The following RIPOR2 variants were observed in gnomAD, a reference collection of about 807,000 sequenced individuals.
The protein encoded by RIPOR2 is rho family-interacting cell polarization regulator 2.
In RIPOR2, 39 loss-of-function variants were observed where a neutral mutation model predicts 114.5. That is an observed-to-expected ratio of 0.34 (90% CI 0.26 to 0.44). The LOEUF is 0.44. RIPOR2 is among the 20% of genes least tolerant of loss of function. RIPOR2 has a pLI of 1.00. For synonymous variants in RIPOR2, 445 were observed against 484.4 expected, an observed-to-expected ratio of 0.92 and a Z score of 1.07; for missense variants, 1,007 against 1,255.1, an observed-to-expected ratio of 0.80 and a Z score of 2.99.
rs1356916603 is a variant in RIPOR2 at position 24,976,800 on chromosome 6, A to T, written c.76+65051T>A. 3.1e-6 allele frequency: 5 copies of T among 1,611,462 alleles called. No individual in the cohort carries two copies. In the African/African-American group the frequency reaches 6.7e-5, roughly 22 times the overall value. On this transcript the variant is annotated intron_variant, in intron 1 of 13. Coordinates refer to the RIPOR2 transcript ENST00000510784. The stretch of plus-strand genomic sequence containing the variant: ...TTGTCCATGGCAAATGCTGGACCCA[A>T]CACAAATGGTTCCCAGTTTTTCATC...
intron 1 of RIPOR2, among the ~76,000 whole-genome samples, chr6:24,884,187 T>A (rs2113939528): frequency 6.6e-6 from 1 of 152,054 alleles, no homozygotes; most frequent in African/African-American, 2.4e-5. Flanking sequence ...GGCGGGCGGA[T>A]CATGAGGTCA....
At position 24,840,132 on chromosome 6, in the gene RIPOR2, G is replaced by A. The variant is rs114779467; in HGVS notation, c.1858-860C>T. 3,513 of 760,254 alleles carry A rather than the reference G, an allele frequency of 4.6e-3. 93 individuals carry two copies. The African/African-American group carries it at 0.057, about 12-fold the overall frequency. The allele number at this position is 760,254 out of a possible 1,614,324, so 47.1% of individuals were successfully genotyped here. A position where few individuals can be genotyped will look rare whatever the true frequency, so the allele number is the denominator to read the frequency against. ...ACCAGGCTAATTTTTTTCTTTTATT[G>A]CAGAGACAGGGTCTCCCTATGTTGA... On this transcript the variant is annotated intron_variant, in intron 13 of 21. Coordinates refer to ENST00000643898, the MANE Select transcript of RIPOR2 (RefSeq NM_001286445.3).
chr6:25,036,404 G>GT (rs1176496021), intron 1 of RIPOR2, among the ~76,000 whole-genome samples: 3 of 152,046 alleles, frequency 2.0e-5, no homozygotes, highest in South Asian at 4.2e-4. Context: ...GTTTTGTTTT[G>GT]TTTTTTGAGA....
At chr6:24,982,007 C>T (rs1774317153) in intron 1 of RIPOR2, among the ~76,000 whole-genome samples, 1 of 152,208 alleles carries the variant, frequency 6.6e-6, no homozygotes, top group Non-Finnish European at 1.5e-5. Context: ...CTCCCCTCAA[C>T]TTTTTGCCTT....
intron 1 of RIPOR2, among the ~76,000 whole-genome samples, chr6:24,999,157 A>G (rs914134950): frequency 6.6e-6 from 1 of 152,208 alleles, no homozygotes. Flanking sequence ...TCACATAACT[A>G]GAGGCTATGG....
intron 1 of RIPOR2, among the ~76,000 whole-genome samples, chr6:24,927,023 C>A (rs368524898): frequency 0.016 from 10 of 620 alleles, no homozygotes; most frequent in African/African-American, 0.024. Flanking sequence ...CCACCACCAC[C>A]ATGATTATTA....
chr6:24,848,485 G>A (rs1762538772), intron 11 of RIPOR2, among the ~76,000 whole-genome samples: 2 of 152,138 alleles, frequency 1.3e-5, no homozygotes, highest in Admixed American at 1.3e-4. Flanking sequence ...ATGTTGAAAA[G>A]TCTATAAAAA....
chr6:24,951,319 C>G (rs946967143), intron 1 of RIPOR2, among the ~76,000 whole-genome samples: 1 of 152,118 alleles, frequency 6.6e-6, no homozygotes, highest in African/African-American at 2.4e-5. Flanking sequence ...CTGCAGCCCC[C>G]AGGTTTTTTG....
At chr6:24,935,111 C>T (rs1425858819) in intron 1 of RIPOR2, among the ~76,000 whole-genome samples, 1 of 152,002 alleles carries the variant, frequency 6.6e-6, no homozygotes, top group Non-Finnish European at 1.5e-5. Flanking sequence ...ATTTCAAGAC[C>T]AGCCTGGCCA....
At chr6:25,040,892 CT>C (rs1311554680) in intron 1 of RIPOR2, among the ~76,000 whole-genome samples, 1 of 152,088 alleles carries the variant, frequency 6.6e-6, no homozygotes. Context: ...CATCTGCCTG[CT>C]TTTTTTGAAA....
rs1491374316 is a variant in RIPOR2, at chr6:25,005,740, T to TATATAC, written c.76+36110_76+36111insGTATAT. On this transcript the variant is annotated intron_variant, in intron 1 of 13. Coordinates refer to the RIPOR2 transcript ENST00000510784. ...ATATATATATATATATATATATATA[T>TATATAC]ACATTTACCGATCAAAAGATATGCC... Among the ~76,000 whole-genome samples the TATATAC allele has an allele frequency of 1.3e-3, 131 of 104,508 alleles. 11 individuals carry two copies. The highest frequency in any genetic ancestry group is 9.6e-3 in the East Asian group (25 of 2,602). 68.6% of individuals were successfully genotyped at this position (104,508 alleles called of 152,430 possible). A position where few individuals can be genotyped will look rare whatever the true frequency, so the allele number is the denominator to read the frequency against.
chr6:24,930,062 G>A (rs527800496), intron 1 of RIPOR2, among the ~76,000 whole-genome samples: 49 of 152,306 alleles, frequency 3.2e-4, no homozygotes, highest in Non-Finnish European at 4.9e-4. Context: ...GTGATAGAGC[G>A]AGAGCCTGTC....
chr6:24,927,355 G>A (rs540808385), intron 1 of RIPOR2, among the ~76,000 whole-genome samples: 82 of 68,620 alleles, frequency 1.2e-3, no homozygotes, highest in South Asian at 1.0e-3. Context: ...CACCATCATC[G>A]TGAATATCAT....
intron 1 of RIPOR2, among the ~76,000 whole-genome samples, chr6:25,017,027 G>C (rs979161529): frequency 7.2e-5 from 11 of 152,170 alleles, no homozygotes; most frequent in African/African-American, 2.7e-4. Flanking sequence ...TTTGTGGGGA[G>C]GTAGGGACTG....
intron 1 of RIPOR2, among the ~76,000 whole-genome samples, chr6:24,998,654 T>C (rs1775153037): frequency 6.6e-6 from 1 of 152,154 alleles, no homozygotes; most frequent in South Asian, 2.1e-4. Context: ...ACCACCTGGA[T>C]CCTATATATT....
upstream of RIPOR2, among the ~76,000 whole-genome samples, chr6:24,940,751 T>C (rs953036067): frequency 1.3e-5 from 2 of 152,074 alleles, no homozygotes; most frequent in Non-Finnish European, 2.9e-5. Flanking sequence ...GTTCAAGTGA[T>C]TCTCCTGCCT....
In RIPOR2 at chr6:24,858,424, G is replaced by C. The variant is rs1257593396; in HGVS notation, c.715+2549C>G. Among the ~76,000 whole-genome samples, 2 of 152,182 alleles carry C rather than the reference G, an allele frequency of 1.3e-5. No homozygotes were observed. Among genetic ancestry groups the C allele is most frequent in the Non-Finnish European group, 2.9e-5 (2 of 68,026 alleles). ...GTCTGAGAGTATTGTGAAATAGTCT[G>C]TTTGTCAATATGTATGTTGGAAGTA... On this transcript the variant is annotated intron_variant, in intron 8 of 21. Coordinates refer to ENST00000643898, the MANE Select transcript of RIPOR2 (RefSeq NM_001286445.3). This position sits in a 1 kb window ranked among gnomAD's most constrained non-coding sequence, Gnocchi z 4.0.
At chr6:24,958,874 C>T (rs909052306) in intron 1 of RIPOR2, among the ~76,000 whole-genome samples, 1 of 151,800 alleles carries the variant, frequency 6.6e-6, no homozygotes, top group African/African-American at 2.4e-5. Flanking sequence ...CCTTCCATGC[C>T]TCCTCTGTCT....
At chr6:24,850,036 G>T in intron 10 of RIPOR2, 86 bp from the exon 11 acceptor site, 1 of 1,138,458 alleles carries the variant, frequency 8.8e-7, no homozygotes, top group Non-Finnish European at 1.3e-6. Flanking sequence ...TACTGAGCTA[G>T]GTTGGTCATT....
Sources: gnomAD v4.1 joint callset for allele counts (sites outside exome capture counted in the v4.1 genomes callset) on GRCh38, gnomAD v4.1.1 for gene constraint, Gnocchi (gnomAD v3.1) non-coding constraint, MANE v1.5 for transcripts, NCBI Gene and HGNC (gene_info 2026-07-23, HGNC 2026-07-21) for gene names.